CTNNAL1: variants seen among roughly 807,000 people sequenced by gnomAD.
CTNNAL1 encodes alpha-catulin.
A neutral mutation model predicts 93.6 loss-of-function variants in CTNNAL1; 69 were observed. That is an observed-to-expected ratio of 0.74 (90% CI 0.61 to 0.90). The LOEUF (loss-of-function observed/expected upper bound fraction) is 0.90. Ranked by LOEUF, CTNNAL1 falls within the 40% of genes least tolerant of loss-of-function variation. The probability of loss-of-function intolerance (pLI) is 0.00; values close to 1 mark genes in which losing one functional copy is unlikely to be tolerated. For missense variants in CTNNAL1, 836 were observed against 862.0 expected, an observed-to-expected ratio of 0.97 and a Z score of 0.38; for synonymous variants, 286 against 305.4, an observed-to-expected ratio of 0.94 and a Z score of 0.66.
chr9:108,949,029 A>C (rs1396801369), intron 14 of CTNNAL1, among the ~76,000 whole-genome samples: 1 of 152,204 alleles, frequency 6.6e-6, no homozygotes, highest in African/African-American at 2.4e-5. Flanking sequence ...GAAAAACTAT[A>C]AGGCACTAGA....
chr9:108,991,223 C>T (rs1329421965), intron 3 of CTNNAL1, among the ~76,000 whole-genome samples: 1 of 152,196 alleles, frequency 6.6e-6, no homozygotes, highest in Non-Finnish European at 1.5e-5. Flanking sequence ...AAAGTCAGCA[C>T]ACACAAGCTT....
At chr9:108,972,942 TTAA>T in intron 8 of CTNNAL1, 109 bp from the exon 9 acceptor site, 3 of 1,276,424 alleles carry the variant, frequency 2.4e-6, no homozygotes, top group Non-Finnish European at 2.1e-6. Flanking sequence ...CATCAGCACT[TTAA>T]AAACTATTAA....
Position 108,999,225 on chromosome 9 carries a change from G to A in CTNNAL1, c.173C>T (p.Thr58Ile), listed in dbSNP as rs1179638144. The change falls in exon 2 of 19, where the codon ACC becomes ATC. Residue 58 changes from threonine to isoleucine, a missense_variant. By Grantham distance (89) the Thr-to-Ile change is moderately conservative. Coordinates refer to ENST00000325551, the MANE Select transcript of CTNNAL1 (RefSeq NM_003798.4). ...ITTLINHKDN[T>I]KKSDKTLQAI... ...TTGCAGAGTTTTATCAGACTTTTTG[G>A]TATTATCTTTATGATTAATAAGCGT... 2 of 1,605,274 alleles carry A rather than the reference G, an allele frequency of 1.2e-6. No homozygotes were observed. Among genetic ancestry groups the A allele is most frequent in the Middle Eastern group, 1.7e-4 (1 of 5,998 alleles).
At chr9:109,004,014 C>A (rs1306515941) in intron 1 of CTNNAL1, among the ~76,000 whole-genome samples, 2 of 152,164 alleles carry the variant, frequency 1.3e-5, no homozygotes, top group Non-Finnish European at 2.9e-5. Context: ...TAGAATAAAA[C>A]AGTAGTGACA....
At chr9:108,976,635 A>G (rs1476237999) in intron 8 of CTNNAL1, among the ~76,000 whole-genome samples, 1 of 151,880 alleles carries the variant, frequency 6.6e-6, no homozygotes, top group African/African-American at 2.4e-5. Flanking sequence ...GGATCAGGTG[A>G]TTCTCCCACT....
intron 1 of CTNNAL1, among the ~76,000 whole-genome samples, chr9:109,002,659 A>G (rs777555459): frequency 1.3e-5 from 2 of 152,154 alleles, no homozygotes; most frequent in African/African-American, 2.4e-5. Context: ...CGGATAAATA[A>G]AAACAAGCCA....
intron 8 of CTNNAL1, among the ~76,000 whole-genome samples, chr9:108,973,799 G>A (rs1343670740): frequency 6.6e-6 from 1 of 151,302 alleles, no homozygotes; most frequent in Non-Finnish European, 1.5e-5. Context: ...TGAATGAAGT[G>A]ATTTCTTTTT....
chr9:108,945,393 C>A (rs1354308579), intron 15 of CTNNAL1, among the ~76,000 whole-genome samples: 1 of 151,896 alleles, frequency 6.6e-6, no homozygotes, highest in Non-Finnish European at 1.5e-5. Context: ...TTTTCCCTCC[C>A]TTGGAACTCT....
chr9:109,001,200 A>G (rs1826814640), intron 1 of CTNNAL1, among the ~76,000 whole-genome samples: 1 of 148,630 alleles, frequency 6.7e-6, no homozygotes, highest in Non-Finnish European at 1.5e-5. Context: ...AAAAGAACTT[A>G]TATTTTATTC....
chr9:108,999,024 A>G, intron 2 of CTNNAL1, 43 bp downstream of exon 2: 1 of 1,537,466 alleles, frequency 6.5e-7, no homozygotes, highest in Non-Finnish European at 8.7e-7. Context: ...AACCAAAGCA[A>G]TAAAAGTGGT....
intron 10 of CTNNAL1, among the ~76,000 whole-genome samples, chr9:108,968,814 A>C (rs1371074885): frequency 6.6e-6 from 1 of 152,242 alleles, no homozygotes; most frequent in African/African-American, 2.4e-5. Flanking sequence ...TCAAAGATGC[A>C]GGGACTCAAC....
chr9:108,944,619 G>A (rs1307159216), intron 15 of CTNNAL1, among the ~76,000 whole-genome samples: 1 of 152,168 alleles, frequency 6.6e-6, no homozygotes, highest in Non-Finnish European at 1.5e-5. Flanking sequence ...GTACAGGTAA[G>A]ACAGAAGTAT....
chr9:108,977,106 A>G, intron 7 of CTNNAL1, 58 bp from the exon 8 acceptor site: 1 of 756,770 alleles, frequency 1.3e-6, no homozygotes, highest in Non-Finnish European at 2.1e-6. Context: ...TCTGTTAATT[A>G]CAATTTTGTT....
chr9:109,010,668 C>CA (rs1014237294), intron 1 of CTNNAL1, among the ~76,000 whole-genome samples: 6 of 151,564 alleles, frequency 4.0e-5, no homozygotes, highest in Non-Finnish European at 5.9e-5. Context: ...TCTGTGAATG[C>CA]AAAAAAAACT....
chr9:108,998,694 A>G (rs1405541546), intron 2 of CTNNAL1, among the ~76,000 whole-genome samples: 1 of 152,244 alleles, frequency 6.6e-6, no homozygotes, highest in Non-Finnish European at 1.5e-5. Context: ...GTTTGAAGTC[A>G]CTATGATTTG....
At chr9:108,954,178 G>A (rs1024407371) in intron 12 of CTNNAL1, among the ~76,000 whole-genome samples, 6 of 152,042 alleles carry the variant, frequency 3.9e-5, no homozygotes, top group African/African-American at 1.4e-4. Context: ...CCATCTAGTG[G>A]ACACTATTTT....
chr9:108,948,340 T>G lies in CTNNAL1; in HGVS notation c.1836-106A>C, dbSNP rs147553536. 847 of 1,052,780 alleles carry G rather than the reference T, an allele frequency of 8.0e-4. 3 individuals are homozygous for G. The highest frequency in any genetic ancestry group is 1.8e-3 in the Admixed American group (63 of 34,822). The allele number at this position is 1,052,780 out of a possible 1,614,324, so 65.2% of individuals were successfully genotyped here. ...ATTTGTGTATTAACAAATCCTAAAT[T>G]TTGAAGAATAATATGAATAGACTGA... is the stretch of plus-strand genomic sequence containing the variant. On this transcript the variant is annotated intron_variant, in intron 14 of 18. Transcript: ENST00000325551.
chr9:109,009,611 T>C (rs1428702231), intron 1 of CTNNAL1, among the ~76,000 whole-genome samples: 2 of 152,230 alleles, frequency 1.3e-5, no homozygotes, highest in African/African-American at 2.4e-5. Flanking sequence ...AGTTTTATAA[T>C]GAGTCTTGAA....
At position 108,943,805 on chromosome 9, in the gene CTNNAL1, A is replaced by G. The variant is rs749583352; in HGVS notation, c.1953T>C (p.Asp651=). ...VQAFSKQLKD[D]DKLMLLLEIN... is the part of the protein sequence containing the mutation. ...TTTCCAGGAGAAGCATAAGCTTGTCATCGTCTTTCAGCTGAAATGTAATTT... is the reference window on the plus strand; with the variant it reads ...TTTCCAGGAGAAGCATAAGCTTGTCGTCGTCTTTCAGCTGAAATGTAATTT... Residue 651 remains aspartate, a synonymous_variant, in exon 17 of 19, where the codon GAT becomes GAC. Coordinates refer to ENST00000325551, the MANE Select transcript of CTNNAL1 (RefSeq NM_003798.4). The G allele has an allele frequency of 6.8e-6, 11 of 1,613,590 alleles. No homozygotes were observed. Among genetic ancestry groups the G allele is most frequent in the Middle Eastern group, 1.7e-4 (1 of 6,054 alleles).
Sources: allele counts gnomAD v4.1 joint callset (sites outside exome capture counted in the v4.1 genomes callset), GRCh38; gene constraint gnomAD v4.1.1; transcripts MANE v1.5; gene names NCBI Gene and HGNC (gene_info 2026-07-23, HGNC 2026-07-21).